Variants in KCNJ6 observed in about 807,000 individuals in gnomAD.
KCNJ6 encodes G protein-activated inward rectifier potassium channel 2.
In KCNJ6, 9 loss-of-function variants were observed where a neutral mutation model predicts 34.2. That is an observed-to-expected ratio of 0.26 (90% CI 0.16 to 0.46). The LOEUF (loss-of-function observed/expected upper bound fraction) is 0.46, where lower values mean the gene tolerates loss of function less well. Ranked by LOEUF, KCNJ6 falls within the 20% of genes least tolerant of loss-of-function variation. The pLI is 1.00. For synonymous variants in KCNJ6, 196 were observed against 207.1 expected, an observed-to-expected ratio of 0.95 and a Z score of 0.46; for missense variants, 236 against 531.3, an observed-to-expected ratio of 0.44 and a Z score of 5.46.
intron 3 of KCNJ6, among the ~76,000 whole-genome samples, chr21:37,711,805 C>G (rs1004712713): frequency 6.6e-6 from 1 of 151,220 alleles, no homozygotes; most frequent in Non-Finnish European, 1.5e-5. Flanking sequence ...GAACCCCCCC[C>G]CCAAGTCTAG....
At chr21:37,696,240 G>T (rs1271834418) in intron 3 of KCNJ6, among the ~76,000 whole-genome samples, 1 of 152,206 alleles carries the variant, frequency 6.6e-6, no homozygotes, top group South Asian at 2.1e-4. Flanking sequence ...CAAAGTAACT[G>T]CTCTGAGATA....
At chr21:37,821,539 C>T (rs1249447042) in intron 2 of KCNJ6, among the ~76,000 whole-genome samples, 1 of 152,166 alleles carries the variant, frequency 6.6e-6, no homozygotes, top group Non-Finnish European at 1.5e-5. Flanking sequence ...TGATGCTCTC[C>T]TTTCCCCTGC....
intron 1 of KCNJ6, among the ~76,000 whole-genome samples, chr21:37,850,293 T>TA (rs911276687): frequency 2.5e-4 from 38 of 152,090 alleles, no homozygotes; most frequent in African/African-American, 7.5e-4. Context: ...AAGGGATACT[T>TA]AGAACAGGGG....
chr21:37,727,553 T>C (rs910273873), intron 2 of KCNJ6, among the ~76,000 whole-genome samples: 3 of 151,956 alleles, frequency 2.0e-5, no homozygotes, highest in African/African-American at 7.3e-5. Context: ...CTTTTACATG[T>C]TGAGAAGGAG....
At chr21:37,641,625 A>G (rs1185417893) in intron 3 of KCNJ6, among the ~76,000 whole-genome samples, 1 of 152,088 alleles carries the variant, frequency 6.6e-6, no homozygotes, top group Non-Finnish European at 1.5e-5. Context: ...CAGAGGGAAC[A>G]GCATTTGCAG....
chr21:37,839,303 G>C (rs2055467355), intron 2 of KCNJ6, among the ~76,000 whole-genome samples: 1 of 152,202 alleles, frequency 6.6e-6, no homozygotes, highest in Admixed American at 6.5e-5. Flanking sequence ...AGGGGTGTCA[G>C]TGCTGAAGGG....
intron 1 of KCNJ6, among the ~76,000 whole-genome samples, chr21:37,878,264 A>AT (rs11450480): frequency 0.27 from 40,002 of 149,160 alleles, 6,177 homozygotes; most frequent in African/African-American, 0.45. Flanking sequence ...CATTTGTGGG[A>AT]TTTTTTTTTT....
At chr21:37,751,807 CG>C (rs1256361198) in intron 2 of KCNJ6, among the ~76,000 whole-genome samples, 2 of 152,158 alleles carry the variant, frequency 1.3e-5, no homozygotes, top group African/African-American at 4.8e-5. Flanking sequence ...CACCCTATCT[CG>C]GGGTCTTTGA....
At chr21:37,670,398 A>T (rs1325763258) in intron 3 of KCNJ6, among the ~76,000 whole-genome samples, 2 of 152,106 alleles carry the variant, frequency 1.3e-5, no homozygotes, top group African/African-American at 4.8e-5. Flanking sequence ...AGTTCTGCAA[A>T]ATGGCCATTG....
At chr21:37,901,876 A>G (rs1410275067) in intron 1 of KCNJ6, among the ~76,000 whole-genome samples, 2 of 152,248 alleles carry the variant, frequency 1.3e-5, no homozygotes, top group Non-Finnish European at 1.5e-5. Flanking sequence ...TAAAATCATT[A>G]AATTGTTTAT....
intron 3 of KCNJ6, among the ~76,000 whole-genome samples, chr21:37,633,750 A>C (rs1308436017): frequency 6.6e-6 from 1 of 152,328 alleles, no homozygotes; most frequent in Admixed American, 6.5e-5. Flanking sequence ...AATAATAGAA[A>C]TATAAAACCT....
In KCNJ6 at chr21:37,727,446, A is replaced by G. The variant is rs970782434; in HGVS notation, c.26-12315T>C. Reference sequence around the variant, plus strand: ...AGAGAGCTGGAGGGGAGCTGAATGGAGTGAGGACTCACGTGTGTGTGTGTG... The same window carrying G: ...AGAGAGCTGGAGGGGAGCTGAATGGGGTGAGGACTCACGTGTGTGTGTGTG... On this transcript the variant is annotated intron_variant, in intron 2 of 3. Coordinates refer to ENST00000609713, the MANE Select transcript of KCNJ6 (RefSeq NM_002240.5). Among the ~76,000 whole-genome samples, 3 of 101,928 alleles carry G rather than the reference A, an allele frequency of 2.9e-5. No individual in the cohort carries two copies. In the Admixed American group the frequency reaches 3.4e-4, roughly 11 times the overall value. The allele number at this position is 101,928 out of a possible 152,430, so 66.9% of individuals were successfully genotyped here. A position where few individuals can be genotyped will look rare whatever the true frequency, so the allele number is the denominator to read the frequency against.
At chr21:37,718,436 C>T (rs857959) in intron 2 of KCNJ6, among the ~76,000 whole-genome samples, 23,391 of 152,018 alleles carry the variant, frequency 0.15, 1,943 homozygotes, top group Middle Eastern at 0.21. Flanking sequence ...AGAGCAAAGA[C>T]AGAGAAAAGA....
intron 2 of KCNJ6, among the ~76,000 whole-genome samples, chr21:37,788,405 AT>A (rs1321499740): frequency 6.6e-6 from 1 of 152,178 alleles, no homozygotes; most frequent in African/African-American, 2.4e-5. Flanking sequence ...TGTCCTTCTT[AT>A]TCGTCCCCCC....
intron 3 of KCNJ6, among the ~76,000 whole-genome samples, chr21:37,688,333 C>G (rs1416919057): frequency 6.6e-6 from 1 of 151,902 alleles, no homozygotes; most frequent in Admixed American, 6.6e-5. Flanking sequence ...CAAATGGAAC[C>G]TCTTGAGTAC....
chr21:37,646,862 C>G lies in KCNJ6; in HGVS notation c.947-21378G>C, dbSNP rs1483116326. 3.3e-5 allele frequency among the ~76,000 whole-genome samples: 5 copies of G among 151,944 alleles called. No homozygotes were observed. The South Asian group carries it at 8.3e-4, about 25-fold the overall frequency. On this transcript the variant is annotated intron_variant, in intron 3 of 3. Transcript: ENST00000609713. Reference sequence around the variant, plus strand: ...ATTTGTTGTACTTTTTTAGTAGAGACGGGGTTTCACACGTGTTAGCCAAGA... The same window carrying G: ...ATTTGTTGTACTTTTTTAGTAGAGAGGGGGTTTCACACGTGTTAGCCAAGA...
At chr21:37,872,717 T>C (rs2055658584) in intron 1 of KCNJ6, among the ~76,000 whole-genome samples, 1 of 152,200 alleles carries the variant, frequency 6.6e-6, no homozygotes, top group African/African-American at 2.4e-5. Flanking sequence ...TCTATAGGCC[T>C]GATATGGTTT....
At chr21:37,679,952 C>T (rs564358825) in intron 3 of KCNJ6, among the ~76,000 whole-genome samples, 55 of 152,276 alleles carry the variant, frequency 3.6e-4, no homozygotes, top group African/African-American at 1.3e-3. Flanking sequence ...CTCAGGGATT[C>T]CCTATGTCAG....
In KCNJ6 at chr21:37,715,268, T is replaced by G. The variant is rs1384414116; in HGVS notation, c.26-137A>C. 1.5e-5 allele frequency: 11 copies of G among 724,674 alleles called. No individual in the cohort carries two copies. In the Middle Eastern group the frequency reaches 7.7e-4, roughly 50 times the overall value. 44.9% of individuals were successfully genotyped at this position (724,674 alleles called of 1,614,324 possible). On this transcript the variant is annotated intron_variant, in intron 2 of 3. Coordinates refer to ENST00000609713, the MANE Select transcript of KCNJ6 (RefSeq NM_002240.5). The stretch of plus-strand genomic sequence containing the variant: ...TATAAACAAAGTAGACAAAGCCATT[T>G]TTATTCCACACCATCTGGATAGGCC...
Sources: allele counts gnomAD v4.1 joint callset (sites outside exome capture counted in the v4.1 genomes callset), GRCh38; gene constraint gnomAD v4.1.1; transcripts MANE v1.5; gene names NCBI Gene and HGNC (gene_info 2026-07-23, HGNC 2026-07-21).